UBIAD1: variants seen among roughly 807,000 people sequenced by gnomAD.
UBIAD1 encodes the protein UbiA prenyltransferase domain containing 1, also known as ubiA prenyltransferase domain-containing protein 1.
Under a neutral mutation model 20.1 loss-of-function variants are expected in UBIAD1, and 12 were observed. The observed-to-expected ratio is 0.60, with a 90% CI of 0.38 to 0.97. The LOEUF (loss-of-function observed/expected upper bound fraction) is 0.97, where lower values mean the gene tolerates loss of function less well. Among genes scored for constraint, UBIAD1 ranks in the 50% least tolerant of loss-of-function variants. The probability of loss-of-function intolerance (pLI) is 0.00; values close to 1 mark genes in which losing one functional copy is unlikely to be tolerated. For missense variants in UBIAD1, 333 were observed against 419.5 expected (o/e 0.79, Z 1.80); for synonymous variants, 207 against 189.2 (o/e 1.09, Z -0.77).
At chr1:11,283,968 C>T (rs1440288887) in intron 1 of UBIAD1, among the ~76,000 whole-genome samples, 1 of 152,142 alleles carries the variant, frequency 6.6e-6, no homozygotes, top group Non-Finnish European at 1.5e-5. Context: ...CTTTCCTGAC[C>T]TTGATCCCAA....
In UBIAD1 at chr1:11,273,731, T is replaced by TG. The variant is rs774950887; in HGVS notation, c.203dup (p.Ser69GlnfsTer31). Reference sequence around the variant, plus strand: ...AGTGCCTCACTCACACCGGTGGCCCTGGGCAGTGCCCTTGCCTACAGATCC... The same window carrying TG: ...AGTGCCTCACTCACACCGGTGGCCCTGGGGCAGTGCCCTTGCCTACAGATCC... On this transcript the variant is annotated frameshift_variant, in exon 1 of 2. Transcript: ENST00000376810. LOFTEE classifies it high-confidence loss of function. The surrounding 1 kb of genome is among the most constrained non-coding windows in gnomAD (Gnocchi z 4.9). The TG allele has an allele frequency of 6.2e-7, 1 of 1,614,106 alleles. No homozygotes were observed. Among genetic ancestry groups the TG allele is most frequent in the Non-Finnish European group, 8.5e-7 (1 of 1,180,012 alleles).
At chr1:11,292,668 TACACACACACACACAC>T (rs71568319), downstream of UBIAD1, among the ~76,000 whole-genome samples, 67 of 140,742 alleles carry the variant, frequency 4.8e-4, no homozygotes, top group African/African-American at 1.1e-3. Flanking sequence ...ATTTTATGTA[TACACACACACACACAC>T]ACACACACAC....
At chr1:11,296,553 CTG>C (rs1638451618), downstream of UBIAD1, among the ~76,000 whole-genome samples, 1 of 152,138 alleles carries the variant, frequency 6.6e-6, no homozygotes, top group Admixed American at 6.5e-5. Context: ...GGATCTCACT[CTG>C]TAGCCCAGGG....
chr1:11,281,288 TC>T (rs763847549), intron 1 of UBIAD1, among the ~76,000 whole-genome samples: 83 of 152,188 alleles, frequency 5.5e-4, no homozygotes, highest in Non-Finnish European at 1.1e-3. Flanking sequence ...CTGCTGCTCT[TC>T]TCTGCATTAG....
downstream of UBIAD1, chr1:11,295,291 A>T (rs893693237): frequency 2.6e-5 from 6 of 227,320 alleles, no homozygotes; most frequent in Admixed American, 2.5e-4. Context: ...CGAGGTGCTG[A>T]TGGACAGCTC....
downstream of UBIAD1, among the ~76,000 whole-genome samples, chr1:11,291,844 G>A (rs943662477): frequency 2.0e-5 from 3 of 152,088 alleles, no homozygotes; most frequent in Non-Finnish European, 2.9e-5. Flanking sequence ...CTGGAAAGGA[G>A]AGTCACAAGA....
At chr1:11,294,614 G>A (rs1024830122) in intron 1 of UBIAD1, among the ~76,000 whole-genome samples, 11 of 152,208 alleles carry the variant, frequency 7.2e-5, no homozygotes, top group African/African-American at 2.4e-4. Flanking sequence ...TCCCATCAGG[G>A]TGGGATGGCT....
chr1:11,292,648 T>G (rs1638384358), downstream of UBIAD1, among the ~76,000 whole-genome samples: 1 of 150,770 alleles, frequency 6.6e-6, no homozygotes, highest in South Asian at 2.1e-4. Flanking sequence ...TGATATTCTT[T>G]TTTTAAAAGA....
exon 2 of UBIAD1, chr1:11,294,961 AC>A: frequency 1.4e-6 from 1 of 717,348 alleles, no homozygotes; most frequent in South Asian, 1.5e-5. Flanking sequence ...TGCCTTCTAG[AC>A]CTGCCTCCTG....
chr1:11,277,474 G>A (rs987492184), intron 1 of UBIAD1, among the ~76,000 whole-genome samples: 2 of 151,922 alleles, frequency 1.3e-5, no homozygotes, highest in African/African-American at 4.8e-5. Context: ...GTTTCGCCAT[G>A]TTGGCCAGGC....
At chr1:11,279,603 A>T (rs188647344) in intron 1 of UBIAD1, among the ~76,000 whole-genome samples, 32 of 152,190 alleles carry the variant, frequency 2.1e-4, no homozygotes, top group African/African-American at 6.0e-4. Context: ...TTTAGCAGAG[A>T]CGGTGTTTCA....
chr1:11,298,533 C>T (rs1371243964), downstream of UBIAD1, among the ~76,000 whole-genome samples: 1 of 151,680 alleles, frequency 6.6e-6, no homozygotes, highest in East Asian at 2.0e-4. This position sits in a 1 kb window ranked among gnomAD's most constrained non-coding sequence, Gnocchi z 4.0. Flanking sequence ...TGCCATTGCA[C>T]TCCAGCCTGG....
intron 1 of UBIAD1, among the ~76,000 whole-genome samples, chr1:11,277,654 T>C (rs1652095424): frequency 6.6e-6 from 1 of 152,214 alleles, no homozygotes; most frequent in African/African-American, 2.4e-5. Flanking sequence ...ATTTCTGTTT[T>C]CTTTTTTCTT....
chr1:11,298,023 C>T (rs1331037551), downstream of UBIAD1, among the ~76,000 whole-genome samples: 1 of 151,854 alleles, frequency 6.6e-6, no homozygotes, highest in Non-Finnish European at 1.5e-5. This position sits in a 1 kb window ranked among gnomAD's most constrained non-coding sequence, Gnocchi z 4.0. Context: ...TGCAGTGGCA[C>T]GATCTCGGCT....
downstream of UBIAD1, among the ~76,000 whole-genome samples, chr1:11,291,492 A>G (rs984687537): frequency 2.0e-5 from 3 of 151,992 alleles, no homozygotes; most frequent in African/African-American, 7.3e-5. Flanking sequence ...CTGTAATCCC[A>G]GCGACTCGGG....
At chr1:11,292,156 C>G (rs1638376945), downstream of UBIAD1, 1 of 152,114 alleles carries the variant, frequency 6.6e-6, no homozygotes, top group Non-Finnish European at 1.5e-5. Context: ...AGGTGTGTGC[C>G]ACCATGTCCA....
rs547571512 is a variant in UBIAD1 at position 11,283,577 on chromosome 1, G to C, written c.530-2067G>C. Among the ~76,000 whole-genome samples the C allele has an allele frequency of 5.9e-5, 9 of 152,206 alleles. No homozygotes were observed. In the South Asian group the frequency reaches 1.9e-3, roughly 32 times the overall value. On this transcript the variant is annotated intron_variant, in intron 1 of 1. Transcript: ENST00000376810. ...TGGCTTGAGGGTGCAGAATTAGCTT[G>C]CTGAATGTTGAAGAGTGTCAGTGGC...
downstream of UBIAD1, among the ~76,000 whole-genome samples, chr1:11,298,441 A>AT (rs1356119104): frequency 1.3e-5 from 2 of 151,868 alleles, no homozygotes; most frequent in Non-Finnish European, 2.9e-5. This position sits in a 1 kb window ranked among gnomAD's most constrained non-coding sequence, Gnocchi z 4.0. Flanking sequence ...GGTGGCACAT[A>AT]TTGTAATCCC....
chr1:11,273,919 G>A lies in UBIAD1; in HGVS notation c.388G>A (p.Asp130Asn). The change falls in exon 1 of 2, where the codon GAT (aspartate) becomes AAT (asparagine). Residue 130 changes from aspartate (D) to asparagine (N), a missense_variant. Physicochemically the swap from Asp to Asn is conservative, Grantham distance 23. Coordinates refer to ENST00000376810, the MANE Select transcript of UBIAD1 (RefSeq NM_013319.3). This position sits in a 1 kb window ranked among gnomAD's most constrained non-coding sequence, Gnocchi z 4.9. ...TGTGGACCGAATCTTGGAGCCGCAG[G>A]ATGTCGTCCGGTTCGGAGTCTTCCT... ...TLVDRILEPQ[D>N]VVRFGVFLYT... is the part of the protein sequence containing the mutation. The A allele has an allele frequency of 6.2e-7, 1 of 1,614,232 alleles. No homozygotes were observed. Among genetic ancestry groups the A allele is most frequent in the Non-Finnish European group, 8.5e-7 (1 of 1,180,038 alleles).
Sources: allele counts gnomAD v4.1 joint callset (sites outside exome capture counted in the v4.1 genomes callset), GRCh38; gene constraint gnomAD v4.1.1; non-coding constraint Gnocchi (gnomAD v3.1); transcripts MANE v1.5; gene names NCBI Gene and HGNC (gene_info 2026-07-23, HGNC 2026-07-21).